The following KIF21B variants were observed in gnomAD, a reference collection of about 807,000 sequenced individuals.
KIF21B encodes the protein kinesin family member 21B.
Under a neutral mutation model 192.9 loss-of-function variants are expected in KIF21B, and 85 were observed. That is an observed-to-expected ratio of 0.44 (90% confidence interval 0.37 to 0.53). The LOEUF is 0.53. KIF21B is among the 20% of genes least tolerant of loss of function. The pLI, the probability that KIF21B is intolerant of heterozygous loss-of-function variation, is 0.00. For missense variants in KIF21B, 1,716 were observed against 2,194.8 expected (o/e 0.78, Z 4.36); for synonymous variants, 832 against 884.6 (o/e 0.94, Z 1.05).
At position 201,014,163 on chromosome 1, in the gene KIF21B, T is replaced by TG. The variant is rs1226735054; in HGVS notation, c.42-4676_42-4675insC. ...CAGGCAGCGAAGTTGCTGAGCTTCC[T>TG]CTGTTCACAATTGAGCAGGAGCGGG... On this transcript the variant is annotated intron_variant, in intron 1 of 34. Coordinates refer to ENST00000461742, the MANE Select transcript of KIF21B (RefSeq NM_001252102.2). 1.1e-3 allele frequency among the ~76,000 whole-genome samples: 160 copies of TG among 152,352 alleles called. 1 individual carries two copies. The highest frequency in any genetic ancestry group is 3.8e-3 in the African/African-American group (158 of 41,598).
At position 201,000,766 on chromosome 1, in the gene KIF21B, C is replaced by T; in HGVS notation, c.1417G>A (p.Ala473Thr). ...TAGTTCTGGATCAGCGCACCAATGG[C>T]CTCATTGCCATCGCCTGGAGTGGGA... ...LLAKAGDGNEAIGALIQNYIR... is the reference protein window; with the variant it reads ...LLAKAGDGNETIGALIQNYIR... The change falls in exon 10 of 35, where the codon GCC (alanine) becomes ACC (threonine). Residue 473 changes from alanine (A) to threonine (T), a missense_variant. This residue lies in a region of KIF21B where 1,087 missense variants were observed against 1,316.6 expected (regional missense o/e 0.83). Coordinates refer to ENST00000461742, the MANE Select transcript of KIF21B (RefSeq NM_001252102.2). This position sits in a 1 kb window ranked among gnomAD's most constrained non-coding sequence, Gnocchi z 6.0. 6.2e-7 allele frequency: 1 copy of T among 1,614,210 alleles called. No individual in the cohort carries two copies. Among genetic ancestry groups the T allele is most frequent in the Non-Finnish European group, 8.5e-7 (1 of 1,180,014 alleles).
In KIF21B at chr1:201,000,842, T is replaced by C; in HGVS notation, c.1403-62A>G. 6.4e-7 allele frequency: 1 copy of C among 1,569,062 alleles called. No homozygotes were observed. Among genetic ancestry groups the C allele is most frequent in the South Asian group, 1.1e-5 (1 of 90,114 alleles). ...AAGATAAATAGGCCAGCGCGGTGGC[T>C]CAGACCTATAATTCCAGCACTTTGG... On this transcript the variant is annotated intron_variant, in intron 9 of 34. Coordinates refer to ENST00000461742, the MANE Select transcript of KIF21B (RefSeq NM_001252102.2). This position sits in a 1 kb window ranked among gnomAD's most constrained non-coding sequence, Gnocchi z 6.0.
At chr1:200,996,080 T>C (rs975859838) in intron 15 of KIF21B, 116 bp downstream of exon 15, 2 of 1,044,294 alleles carry the variant, frequency 1.9e-6, no homozygotes, top group Non-Finnish European at 2.9e-6. Flanking sequence ...GTTAATGCTG[T>C]GTGTTGAGAA....
chr1:201,012,482 G>T (rs1022800029), intron 1 of KIF21B, among the ~76,000 whole-genome samples: 15 of 152,186 alleles, frequency 9.9e-5, no homozygotes, highest in Non-Finnish European at 4.4e-5. Context: ...ATGACCTAGG[G>T]ATTTAAATCC....
At chr1:200,987,704 T>C (rs1007729307) in intron 24 of KIF21B, among the ~76,000 whole-genome samples, 4 of 152,254 alleles carry the variant, frequency 2.6e-5, no homozygotes, top group Non-Finnish European at 5.9e-5. Flanking sequence ...TTAGTTGGAC[T>C]ATGTAAACAC....
intron 6 of KIF21B, 36 bp from the exon 7 acceptor site, chr1:201,004,491 C>T: frequency 6.6e-7 from 1 of 1,521,220 alleles, no homozygotes. Context: ...AGCAGTCACT[C>T]AGGGAGCGAA....
In KIF21B at chr1:200,991,700, T is replaced by C. The variant is rs1210588721; in HGVS notation, c.2411A>G (p.Gln804Arg). Reference sequence around the variant, plus strand: ...CAGGACCATCTCCTGCTGCCGCTTCTGGGACTCCAGAGCTCGGATCTGAAA... The same window carrying C: ...CAGGACCATCTCCTGCTGCCGCTTCCGGGACTCCAGAGCTCGGATCTGAAA... ...QEFQIRALESQKRQQEMVLRR... is the reference protein window; with the variant it reads ...QEFQIRALESRKRQQEMVLRR... The change falls in exon 17 of 35, where the codon CAG becomes CGG. Residue 804 changes from glutamine to arginine, a missense_variant. Around this residue, in one of 3 missense-constraint regions of KIF21B, gnomAD observed 1,087 missense variants for 1,316.6 expected, o/e 0.83. Transcript: ENST00000461742. 6.2e-7 allele frequency: 1 copy of C among 1,614,194 alleles called. No individual in the cohort carries two copies. Among genetic ancestry groups the C allele is most frequent in the Non-Finnish European group, 8.5e-7 (1 of 1,180,048 alleles).
rs1655138221 is a variant in KIF21B at position 200,970,016 on chromosome 1, G to A, written c.*3505C>T. 2.0e-5 allele frequency: 3 copies of A among 152,538 alleles called. No homozygotes were observed. The South Asian group carries it at 6.2e-4, about 32-fold the overall frequency. The allele number at this position is 152,538 out of a possible 1,614,324, so 9.4% of individuals were successfully genotyped here. On this transcript the variant is annotated 3_prime_UTR_variant, in exon 35 of 35. Transcript: ENST00000461742. Reference sequence around the variant, plus strand: ...ACAGGTCCGGGACACACAGTGGGAAGAAAGTCACTGCTCCTGCAGGGCAGG... The same window carrying A: ...ACAGGTCCGGGACACACAGTGGGAAAAAAGTCACTGCTCCTGCAGGGCAGG...
chr1:200,987,125 T>C lies in KIF21B; in HGVS notation c.3485A>G (p.Lys1162Arg), dbSNP rs1368142854. The C allele has an allele frequency of 6.2e-7, 1 of 1,613,994 alleles. No homozygotes were observed. Among genetic ancestry groups the C allele is most frequent in the Non-Finnish European group, 8.5e-7 (1 of 1,180,024 alleles). The change falls in exon 25 of 35, where the codon AAG (lysine) becomes AGG (arginine). Residue 1162 changes from lysine (K) to arginine (R), a missense_variant. Physicochemically the swap from Lys to Arg is conservative, Grantham distance 26. This residue lies in a region of KIF21B where 580 missense variants were observed against 775.5 expected (regional missense o/e 0.75). Transcript: ENST00000461742. ...CLGPPLDIST[K>R]NITKSLASLV... ...GGAGGCCAGGGACTTGGTGATGTTC[T>C]TGGTGGAGATATCCAGTGGGGGGCC...
chr1:200,990,679 G>A lies in KIF21B; in HGVS notation c.2732C>T (p.Ala911Val), dbSNP rs761541411. 20 of 1,614,012 alleles carry A rather than the reference G, an allele frequency of 1.2e-5. No individual in the cohort carries two copies. Among genetic ancestry groups the A allele is most frequent in the South Asian group, 8.8e-5 (8 of 91,094 alleles). Reference protein sequence around the residue: ...KKGASQSFSKAARLKWQSLER... With the variant: ...KKGASQSFSKVARLKWQSLER... ...CAGGGACTGCCACTTGAGCCTTGCC[G>A]CCTTACTGAAGCTCTGGCTGGCCCC... is the stretch of plus-strand genomic sequence containing the variant. Residue 911 changes from alanine (A) to valine (V), a missense_variant, in exon 19 of 35, where the codon GCG becomes GTG. Ala to Val is a moderately conservative substitution (Grantham distance 64, BLOSUM62 0). This residue lies in a region of KIF21B where 1,087 missense variants were observed against 1,316.6 expected (regional missense o/e 0.83). Transcript: ENST00000461742. This position sits in a 1 kb window ranked among gnomAD's most constrained non-coding sequence, Gnocchi z 5.4.
rs2102444163 is a variant in KIF21B at position 201,002,413 on chromosome 1, C to A, written c.1213-63G>T. On this transcript the variant is annotated intron_variant, in intron 8 of 34. Coordinates refer to ENST00000461742, the MANE Select transcript of KIF21B (RefSeq NM_001252102.2). ...AGCTCGCGGTTGGGGGGGTAAGGGG[C>A]TGATGATGCCCCTCCCTCTGCCAGC... 3 of 1,445,484 alleles carry A rather than the reference C, an allele frequency of 2.1e-6. No individual in the cohort carries two copies. In the Admixed American group the frequency reaches 5.1e-5, roughly 25 times the overall value. The allele number at this position is 1,445,484 out of a possible 1,614,324, so 89.5% of individuals were successfully genotyped here.
chr1:200,973,738 TG>T lies in KIF21B; in HGVS notation c.4815-161del, dbSNP rs1176586195. 10 of 1,473,090 alleles carry T rather than the reference TG, an allele frequency of 6.8e-6. No homozygotes were observed. In the Admixed American group the frequency reaches 2.7e-4, roughly 40 times the overall value. 91.3% of individuals were successfully genotyped at this position (1,473,090 alleles called of 1,614,324 possible). A position where few individuals can be genotyped will look rare whatever the true frequency, so the allele number is the denominator to read the frequency against. ...TTACGGGGAGGTGGACTGCAGGTGG[TG>T]GGGTGCTGGGCAGATGGAGAGGCCT... is the stretch of plus-strand genomic sequence containing the variant. On this transcript the variant is annotated intron_variant, in intron 34 of 34. Coordinates refer to ENST00000461742, the MANE Select transcript of KIF21B (RefSeq NM_001252102.2).
rs932670459 is a variant in KIF21B at position 201,005,252 on chromosome 1, C to A, written c.732+56G>T. On this transcript the variant is annotated intron_variant, in intron 5 of 34. Coordinates refer to ENST00000461742, the MANE Select transcript of KIF21B (RefSeq NM_001252102.2). ...TGAATCTGTGGCTCCTCATCTTGCC[C>A]TTCCCGGGATACCCCTGCAGCAAGC... is the stretch of plus-strand genomic sequence containing the variant. The A allele has an allele frequency of 1.7e-5, 25 of 1,510,664 alleles. No homozygotes were observed. The African/African-American group carries it at 2.9e-4, about 18-fold the overall frequency. 93.6% of individuals were successfully genotyped at this position (1,510,664 alleles called of 1,614,324 possible).
chr1:200,987,918 T>C lies in KIF21B; in HGVS notation c.3408+378A>G, dbSNP rs533850579. Among the ~76,000 whole-genome samples, 117 of 152,344 alleles carry C rather than the reference T, an allele frequency of 7.7e-4. 1 individual carries two copies. Among genetic ancestry groups the C allele is most frequent in the African/African-American group, 2.7e-3 (114 of 41,580 alleles). On this transcript the variant is annotated intron_variant, in intron 24 of 34. Transcript: ENST00000461742. ...GACTCCCATATGGTTGAATTGACTG[T>C]GTGCACGTAAGATAACCAGACATTT...
chr1:200,973,652 G>C lies in KIF21B; in HGVS notation c.4815-74C>G, dbSNP rs1006972013. The C allele has an allele frequency of 5.9e-6, 9 of 1,515,596 alleles. No individual in the cohort carries two copies. The African/African-American group carries it at 8.4e-5, about 14-fold the overall frequency. 93.9% of individuals were successfully genotyped at this position (1,515,596 alleles called of 1,614,324 possible). A position where few individuals can be genotyped will look rare whatever the true frequency, so the allele number is the denominator to read the frequency against. The stretch of plus-strand genomic sequence containing the variant: ...GCTTGGCTGGCTGCCCCCAAAAGTA[G>C]AGGATGAACTGGATTCCCCAAACTC... On this transcript the variant is annotated intron_variant, in intron 34 of 34. Coordinates refer to ENST00000461742, the MANE Select transcript of KIF21B (RefSeq NM_001252102.2).
intron 1 of KIF21B, among the ~76,000 whole-genome samples, chr1:201,020,808 T>TACACAC (rs60686711): frequency 0.028 from 3,959 of 142,886 alleles, 194 homozygotes; most frequent in African/African-American, 0.092. Flanking sequence ...CTCTCTCCTC[T>TACACAC]ACACACACAC....
chr1:200,990,233 C>A lies in KIF21B; in HGVS notation c.2935G>T (p.Ala979Ser). 2 of 1,614,108 alleles carry A rather than the reference C, an allele frequency of 1.2e-6. No individual in the cohort carries two copies. Among genetic ancestry groups the A allele is most frequent in the South Asian group, 1.1e-5 (1 of 91,084 alleles). Residue 979 changes from alanine (A) to serine (S), a missense_variant, in exon 20 of 35, where the codon GCT becomes TCT. By Grantham distance (99) the Ala-to-Ser change is moderately conservative. Transcript: ENST00000461742. The surrounding 1 kb of genome is among the most constrained non-coding windows in gnomAD (Gnocchi z 5.4). ...GCTGCCAGCACCTCGATCTCCTCAG[C>A]CAGCTCCTGCAGCCCCTTCTCTTCC... Reference protein sequence around the residue: ...PEEEKGLQELAEEIEVLAANI... With the variant: ...PEEEKGLQELSEEIEVLAANI...
At position 200,990,857 on chromosome 1, in the gene KIF21B, C is replaced by T. The variant is rs1347654851; in HGVS notation, c.2687+60G>A. The T allele has an allele frequency of 1.2e-6, 2 of 1,605,744 alleles. No individual in the cohort carries two copies. The highest frequency in any genetic ancestry group is 1.7e-6 in the Non-Finnish European group (2 of 1,173,300). The stretch of plus-strand genomic sequence containing the variant: ...AGCTTCCCTCTTCCTCACCCTGGCC[C>T]TGCCCCATATTCCCACCCCCTCTGC... On this transcript the variant is annotated intron_variant, in intron 18 of 34. Transcript: ENST00000461742. This position sits in a 1 kb window ranked among gnomAD's most constrained non-coding sequence, Gnocchi z 5.4.
chr1:200,977,837 C>T (rs1489956682), intron 30 of KIF21B, among the ~76,000 whole-genome samples: 1 of 150,714 alleles, frequency 6.6e-6, no homozygotes, highest in African/African-American at 2.4e-5. Context: ...CGGGTTCAAG[C>T]GATTCTCCTG....
Sources: gnomAD v4.1 joint callset for allele counts (sites outside exome capture counted in the v4.1 genomes callset) on GRCh38, gnomAD v4.1.1 for gene constraint, gnomAD v4.1.1 regional missense constraint, Gnocchi (gnomAD v3.1) non-coding constraint, MANE v1.5 for transcripts, NCBI Gene and HGNC (gene_info 2026-07-23, HGNC 2026-07-21) for gene names.